The following CERS6 variants were observed in gnomAD, a reference collection of about 807,000 sequenced individuals.
CERS6 encodes LAG1 homolog, ceramide synthase 6.
CERS6 carries 26 observed loss-of-function variants against 56.8 expected under a neutral mutation model. That is an observed-to-expected ratio of 0.46 (90% confidence interval 0.34 to 0.63). The LOEUF is 0.63. CERS6 is among the 30% of genes least tolerant of loss of function. The probability of loss-of-function intolerance (pLI) is 0.01; values close to 1 mark genes in which losing one functional copy is unlikely to be tolerated. For missense variants in CERS6, 415 were observed against 467.5 expected (o/e 0.89, Z 1.04); for synonymous variants, 164 against 173.3 (o/e 0.95, Z 0.42).
At chr2:168,465,096 C>G (rs1693848117) in intron 1 of CERS6, among the ~76,000 whole-genome samples, 1 of 152,224 alleles carries the variant, frequency 6.6e-6, no homozygotes, top group African/African-American at 2.4e-5. Context: ...GTTCATCATT[C>G]ACAATAGCCA....
chr2:168,631,415 TTATGTAAATA>T lies in CERS6; in HGVS notation c.465+387_465+396del, dbSNP rs1224906214. ...ATTATATAATATATATTATATAATA[TTATGTAAATA>T]TATGTAAATATATATTTATATTATA... On this transcript the variant is annotated intron_variant, in intron 4 of 9. Coordinates refer to ENST00000305747, the MANE Select transcript of CERS6 (RefSeq NM_203463.3). Among the ~76,000 whole-genome samples, 420 of 133,814 alleles carry T rather than the reference TTATGTAAATA, an allele frequency of 3.1e-3. 4 individuals are homozygous for T. Among genetic ancestry groups the T allele is most frequent in the African/African-American group, 0.011 (400 of 36,130 alleles). 87.8% of individuals were successfully genotyped at this position (133,814 alleles called of 152,430 possible).
chr2:168,617,164 T>C (rs1344388629), intron 3 of CERS6, among the ~76,000 whole-genome samples: 1 of 151,988 alleles, frequency 6.6e-6, no homozygotes, highest in Admixed American at 6.6e-5. Context: ...AGACGGAAAT[T>C]TAAAAATTCT....
intron 8 of CERS6, among the ~76,000 whole-genome samples, chr2:168,755,181 A>C (rs1684381255): frequency 6.6e-6 from 1 of 152,246 alleles, no homozygotes; most frequent in Non-Finnish European, 1.5e-5. Context: ...GGATAATTAA[A>C]TACTGTTTTA....
intron 1 of CERS6, among the ~76,000 whole-genome samples, chr2:168,466,919 G>A (rs1286117137): frequency 6.6e-6 from 1 of 152,176 alleles, no homozygotes; most frequent in African/African-American, 2.4e-5. Flanking sequence ...ACATTTGTTT[G>A]TAACTCGCCA....
At chr2:168,474,437 A>C (rs1694031819) in intron 1 of CERS6, among the ~76,000 whole-genome samples, 1 of 152,220 alleles carries the variant, frequency 6.6e-6, no homozygotes, top group Non-Finnish European at 1.5e-5. Flanking sequence ...AAATTATACC[A>C]ATTGACATCC....
chr2:168,514,065 G>A (rs1694843841), intron 1 of CERS6, among the ~76,000 whole-genome samples: 1 of 152,184 alleles, frequency 6.6e-6, no homozygotes, highest in Non-Finnish European at 1.5e-5. Flanking sequence ...ATAAATGATA[G>A]TAATTTACGG....
intron 8 of CERS6, among the ~76,000 whole-genome samples, chr2:168,760,855 A>G (rs896429414): frequency 1.3e-5 from 2 of 151,978 alleles, no homozygotes; most frequent in Non-Finnish European, 2.9e-5. Context: ...TCCCGGGTTC[A>G]CGCCATTCTC....
rs56014027 is a variant in CERS6, at chr2:168,559,754, T to TATATATATATATATATATATA, written c.277-1438_277-1437insATATATATATATATATATATA. Among the ~76,000 whole-genome samples, 114 of 123,820 alleles carry TATATATATATATATATATATA rather than the reference T, an allele frequency of 9.2e-4. 1 individual carries two copies. The highest frequency in any genetic ancestry group is 1.5e-3 in the East Asian group (7 of 4,724). The allele number at this position is 123,820 out of a possible 152,430, so 81.2% of individuals were successfully genotyped here. ...GGTATCATATATATATATATATATA[T>TATATATATATATATATATATA]TTCACCCTTATTACTTGAAGTTTGG... On this transcript the variant is annotated intron_variant, in intron 2 of 9. Transcript: ENST00000305747.
intron 7 of CERS6, among the ~76,000 whole-genome samples, chr2:168,717,082 TA>T (rs1468512438): frequency 3.3e-5 from 5 of 152,098 alleles, no homozygotes; most frequent in Non-Finnish European, 7.4e-5. Context: ...GAATCATCTG[TA>T]AAAAAAGTAG....
chr2:168,694,917 C>A, intron 5 of CERS6, 42 bp from the exon 6 acceptor site: 4 of 1,504,524 alleles, frequency 2.7e-6, no homozygotes, highest in Non-Finnish European at 3.7e-6. Context: ...ATTGGGTTCC[C>A]TATTAACTAC....
chr2:168,689,898 C>T (rs949524261), intron 4 of CERS6, among the ~76,000 whole-genome samples: 2 of 152,104 alleles, frequency 1.3e-5, no homozygotes, highest in African/African-American at 4.8e-5. Flanking sequence ...AGACAGGGTG[C>T]ACAGTGGTTA....
At chr2:168,510,061 A>G (rs1452724501) in intron 1 of CERS6, among the ~76,000 whole-genome samples, 3 of 151,862 alleles carry the variant, frequency 2.0e-5, no homozygotes, top group Admixed American at 2.0e-4. Flanking sequence ...GTAGTATATT[A>G]GGTGCAGTAC....
rs1411646312 is a variant in CERS6, at chr2:168,770,900, A to G, written c.*1238A>G. 1 of 152,206 alleles carries G rather than the reference A, an allele frequency of 6.6e-6. No individual in the cohort carries two copies. Among genetic ancestry groups the G allele is most frequent in the Non-Finnish European group, 1.5e-5 (1 of 68,044 alleles). 9.4% of individuals were successfully genotyped at this position (152,206 alleles called of 1,614,324 possible). A position where few individuals can be genotyped will look rare whatever the true frequency, so the allele number is the denominator to read the frequency against. On this transcript the variant is annotated 3_prime_UTR_variant, in exon 10 of 10. Coordinates refer to ENST00000305747, the MANE Select transcript of CERS6 (RefSeq NM_203463.3). ...AAATGGGGCTGTTTCTGGAAAAATG[A>G]AAAATTCTATTGGACAATGGCAATA...
At chr2:168,616,770 G>C (rs1404042853) in intron 3 of CERS6, among the ~76,000 whole-genome samples, 2 of 152,012 alleles carry the variant, frequency 1.3e-5, no homozygotes, top group Non-Finnish European at 2.9e-5. Context: ...CGAGATAGAT[G>C]GCAACACAGT....
chr2:168,622,474 ATG>A (rs1684495913), intron 3 of CERS6, among the ~76,000 whole-genome samples: 1 of 152,058 alleles, frequency 6.6e-6, no homozygotes, highest in African/African-American at 2.4e-5. Context: ...CACTACATAT[ATG>A]TGTGTTTATA....
chr2:168,635,159 G>A (rs1245312801), intron 4 of CERS6, among the ~76,000 whole-genome samples: 1 of 152,176 alleles, frequency 6.6e-6, no homozygotes, highest in African/African-American at 2.4e-5. Flanking sequence ...AGTGGAGGTA[G>A]TAATAGCAGG....
At chr2:168,679,287 A>G (rs1686149631) in intron 4 of CERS6, among the ~76,000 whole-genome samples, 1 of 152,184 alleles carries the variant, frequency 6.6e-6, no homozygotes, top group Non-Finnish European at 1.5e-5. Flanking sequence ...ACGGTAGGAT[A>G]TTGTATATTA....
chr2:168,662,457 G>A (rs924570931), intron 4 of CERS6, among the ~76,000 whole-genome samples: 36 of 152,214 alleles, frequency 2.4e-4, no homozygotes, highest in African/African-American at 8.2e-4. Flanking sequence ...GGCCAGGCAC[G>A]GTGGCTCATG....
At chr2:168,691,206 CT>C (rs1321508679) in intron 5 of CERS6, 122 bp downstream of exon 5, 1 of 793,964 alleles carries the variant, frequency 1.3e-6, no homozygotes, top group African/African-American at 1.7e-5. Flanking sequence ...CCCACTCCCG[CT>C]GATCAGTGCT....
Sources: allele counts gnomAD v4.1 joint callset (sites outside exome capture counted in the v4.1 genomes callset), GRCh38; gene constraint gnomAD v4.1.1; transcripts MANE v1.5; gene names NCBI Gene and HGNC (gene_info 2026-07-23, HGNC 2026-07-21).